Variants in GALNT13 observed in about 807,000 individuals in gnomAD.
The protein encoded by GALNT13 is UDP-GalNAc:polypeptide N-acetylgalactosaminyltransferase 13.
GALNT13 carries 28 observed loss-of-function variants against 64.2 expected under a neutral mutation model. The observed-to-expected ratio is 0.44, with a 90% CI of 0.32 to 0.60. The LOEUF (loss-of-function observed/expected upper bound fraction) is 0.60. GALNT13 is among the 20% of genes least tolerant of loss of function. The pLI, the probability that GALNT13 is intolerant of heterozygous loss-of-function variation, is 0.05. For missense variants in GALNT13, 577 were observed against 669.8 expected (o/e 0.86, Z 1.53); for synonymous variants, 214 against 224.6 (o/e 0.95, Z 0.42).
chr2:153,980,238 A>G (rs1694369945), intron 3 of GALNT13, among the ~76,000 whole-genome samples: 1 of 152,192 alleles, frequency 6.6e-6, no homozygotes, highest in South Asian at 2.1e-4. Flanking sequence ...TTTTAATTCT[A>G]AAAGCAGTGG....
At chr2:153,127,886 A>G in the GALNT13 span, among the ~76,000 whole-genome samples, 16 of 152,334 alleles carry the variant, frequency 1.1e-4, no homozygotes, top group African/African-American at 3.8e-4. Context: ...GACCACTTGA[A>G]TAATAACATT....
the GALNT13 span, among the ~76,000 whole-genome samples, chr2:153,095,345 T>C: frequency 1.3e-5 from 2 of 152,302 alleles, no homozygotes; most frequent in Admixed American, 1.3e-4. Flanking sequence ...TGAGATGCCA[T>C]CTCATACCAG....
the GALNT13 span, among the ~76,000 whole-genome samples, chr2:153,130,961 A>C: frequency 1.6e-4 from 24 of 152,192 alleles, no homozygotes; most frequent in Admixed American, 1.5e-3. Flanking sequence ...ACATGCTCAG[A>C]GCACCTTCTT....
chr2:153,848,696 T>C, the GALNT13 span, among the ~76,000 whole-genome samples: 7 of 152,150 alleles, frequency 4.6e-5, no homozygotes, highest in South Asian at 2.1e-4. Context: ...ATATATGCTA[T>C]CAATATGAAC....
intron 9 of GALNT13, among the ~76,000 whole-genome samples, chr2:154,366,226 G>A (rs978104140): frequency 2.0e-5 from 3 of 151,996 alleles, no homozygotes; most frequent in Non-Finnish European, 1.5e-5. Context: ...GTCATAATCT[G>A]ATATTCAGAT....
the GALNT13 span, among the ~76,000 whole-genome samples, chr2:153,595,259 G>GA: frequency 1.2e-3 from 186 of 150,200 alleles, no homozygotes; most frequent in Middle Eastern, 3.5e-3. Context: ...ATTTGATGGG[G>GA]AAAAAAAATC....
intron 1 of GALNT13, among the ~76,000 whole-genome samples, chr2:153,889,727 C>A (rs537896499): frequency 2.0e-5 from 3 of 152,024 alleles, no homozygotes; most frequent in African/African-American, 4.8e-5. Flanking sequence ...TGAAATGATT[C>A]CTGCTTAAGC....
chr2:153,221,993 C>G, the GALNT13 span, among the ~76,000 whole-genome samples: 6 of 152,148 alleles, frequency 3.9e-5, no homozygotes, highest in Admixed American at 1.3e-4. Context: ...TCCTTATTCC[C>G]CCAAGGTGGT....
the GALNT13 span, among the ~76,000 whole-genome samples, chr2:153,135,654 G>T: frequency 6.6e-6 from 1 of 152,024 alleles, no homozygotes; most frequent in Non-Finnish European, 1.5e-5. Flanking sequence ...AATTTTATGT[G>T]TGTGTGATTT....
chr2:154,360,612 A>G (rs1463190091), intron 9 of GALNT13, among the ~76,000 whole-genome samples: 4 of 152,164 alleles, frequency 2.6e-5, no homozygotes. Flanking sequence ...CTGTTTTTAG[A>G]GTGATACAAA....
At chr2:154,366,374 C>T (rs571570541) in intron 9 of GALNT13, among the ~76,000 whole-genome samples, 12 of 152,234 alleles carry the variant, frequency 7.9e-5, no homozygotes, top group Admixed American at 4.6e-4. Flanking sequence ...ATATGTCACT[C>T]GCTATATATG....
the GALNT13 span, among the ~76,000 whole-genome samples, chr2:153,210,624 A>G: frequency 2.0e-5 from 3 of 149,934 alleles, no homozygotes; most frequent in Non-Finnish European, 4.5e-5. Flanking sequence ...TTTTGTGCAT[A>G]AAGTTCTTGT....
chr2:153,540,190 T>C, the GALNT13 span, among the ~76,000 whole-genome samples: 1 of 152,176 alleles, frequency 6.6e-6, no homozygotes, highest in Non-Finnish European at 1.5e-5. Flanking sequence ...TGTCCTGCAT[T>C]CTGGCCACTT....
At chr2:153,241,563 C>A in the GALNT13 span, among the ~76,000 whole-genome samples, 1 of 152,176 alleles carries the variant, frequency 6.6e-6, no homozygotes, top group African/African-American at 2.4e-5. Context: ...AACGCTACTC[C>A]ATTTTCCTGG....
chr2:153,749,447 T>C, the GALNT13 span, among the ~76,000 whole-genome samples: 1 of 152,084 alleles, frequency 6.6e-6, no homozygotes, highest in Admixed American at 6.6e-5. Flanking sequence ...ATTTTAACAA[T>C]ATTCATTCTT....
At chr2:153,207,453 A>G in the GALNT13 span, among the ~76,000 whole-genome samples, 1 of 152,110 alleles carries the variant, frequency 6.6e-6, no homozygotes, top group Non-Finnish European at 1.5e-5. Flanking sequence ...GATATCAACA[A>G]CTATGGATGA....
chr2:153,212,898 T>A, the GALNT13 span, among the ~76,000 whole-genome samples: 2 of 151,490 alleles, frequency 1.3e-5, no homozygotes, highest in Admixed American at 1.3e-4. Flanking sequence ...TATTTCAAGT[T>A]ATGTTGCTGT....
At chr2:153,240,342 A>G in the GALNT13 span, among the ~76,000 whole-genome samples, 8 of 152,040 alleles carry the variant, frequency 5.3e-5, no homozygotes, top group African/African-American at 1.9e-4. Flanking sequence ...CTCTTTCTGT[A>G]TTGCAATTTC....
chr2:154,040,267 C>G (rs1698901160), intron 3 of GALNT13, among the ~76,000 whole-genome samples: 1 of 140,408 alleles, frequency 7.1e-6, no homozygotes, highest in African/African-American at 2.4e-5. Flanking sequence ...TGAAAATGCT[C>G]AAATCAAGAA....
Sources: gnomAD v4.1 joint callset for allele counts (sites outside exome capture counted in the v4.1 genomes callset) on GRCh38, gnomAD v4.1.1 for gene constraint, MANE v1.5 for transcripts, NCBI Gene and HGNC (gene_info 2026-07-23, HGNC 2026-07-21) for gene names.